EIF2S3: variants seen among roughly 807,000 people sequenced by gnomAD.
EIF2S3 encodes the protein eukaryotic translation initiation factor 2 subunit 3.
A neutral mutation model predicts 31.7 loss-of-function variants in EIF2S3; 2 were observed. The ratio of observed to expected loss-of-function variants is 0.06; its 90% CI spans 0.03 to 0.20. The LOEUF is 0.20. EIF2S3 is among the 10% of genes least tolerant of loss of function. EIF2S3 has a pLI of 1.00. For missense variants in EIF2S3, 96 were observed against 359.3 expected, an observed-to-expected ratio of 0.27 and a Z score of 5.92; for synonymous variants, 120 against 126.7, an observed-to-expected ratio of 0.95 and a Z score of 0.36.
chrX:24,073,353 A>G, intron 11 of EIF2S3, 90 bp downstream of exon 11: 1 of 1,058,181 alleles, frequency 9.5e-7, no homozygotes, highest in Non-Finnish European at 1.3e-6. Flanking sequence ...TGAGGACAAC[A>G]GTTACTGTGG....
intron 8 of EIF2S3, among the ~76,000 whole-genome samples, chrX:24,067,046 A>C (rs1254511683): frequency 9.0e-6 from 1 of 111,475 alleles, no homozygotes; most frequent in Non-Finnish European, 1.9e-5. Flanking sequence ...TAGCTATACT[A>C]ATTTACATGC....
At chrX:24,073,793 T>G (rs1269568629) in intron 11 of EIF2S3, among the ~76,000 whole-genome samples, 1 of 112,255 alleles carries the variant, frequency 8.9e-6, no homozygotes. Flanking sequence ...CCAAATGAAT[T>G]TGGGTTCGGT....
chrX:24,074,559 T>G (rs1930720829), intron 11 of EIF2S3, among the ~76,000 whole-genome samples: 1 of 111,809 alleles, frequency 8.9e-6, no homozygotes. Flanking sequence ...CATCCACTGA[T>G]GATTCTTGCC....
At chrX:24,069,889 C>T (rs1037744947) in intron 9 of EIF2S3, among the ~76,000 whole-genome samples, 9 of 108,469 alleles carry the variant, frequency 8.3e-5, no homozygotes, top group East Asian at 2.9e-4. Flanking sequence ...TGGGGTTTCG[C>T]CATGTTGGCC....
intron 5 of EIF2S3, among the ~76,000 whole-genome samples, chrX:24,061,343 G>C (rs1363234969): frequency 9.2e-6 from 1 of 108,466 alleles, no homozygotes. Context: ...GATCACTTGA[G>C]GTGTCAGGAG....
chrX:24,056,674 G>A (rs765871426), intron 2 of EIF2S3, among the ~76,000 whole-genome samples: 6 of 111,111 alleles, frequency 5.4e-5, no homozygotes, highest in Non-Finnish European at 1.1e-4. Flanking sequence ...CCTGGGCAAC[G>A]TGGCCAAACC....
chrX:24,057,337 G>A, intron 2 of EIF2S3, 84 bp from the exon 3 acceptor site: 2 of 1,113,520 alleles, frequency 1.8e-6, no homozygotes, highest in Admixed American at 3.0e-5. Flanking sequence ...CTGGCTTTGG[G>A]TTTTCTACTC....
At chrX:24,066,359 C>T (rs1930573269) in intron 8 of EIF2S3, among the ~76,000 whole-genome samples, 1 of 109,726 alleles carries the variant, frequency 9.1e-6, no homozygotes, top group African/African-American at 3.3e-5. Context: ...TCCACATATA[C>T]AGATGAGTGA....
chrX:24,062,354 C>T, intron 5 of EIF2S3, 62 bp from the exon 6 acceptor site: 1 of 1,125,364 alleles, frequency 8.9e-7, no homozygotes, highest in Non-Finnish European at 1.2e-6. Context: ...ATGGATTTGC[C>T]CGCCTATTCT....
intron 9 of EIF2S3, 37 bp from the exon 10 acceptor site, chrX:24,071,521 T>TA: frequency 8.5e-7 from 1 of 1,175,932 alleles, no homozygotes; most frequent in African/African-American, 1.8e-5. Context: ...TTTTAGGAAA[T>TA]AAAAAATTGA....
intron 11 of EIF2S3, among the ~76,000 whole-genome samples, chrX:24,076,403 G>A (rs1285658804): frequency 9.0e-6 from 1 of 110,905 alleles, no homozygotes; most frequent in Non-Finnish European, 1.9e-5. Context: ...GCATGGTGGC[G>A]CATGCCTGTA....
intron 5 of EIF2S3, among the ~76,000 whole-genome samples, chrX:24,060,837 T>C (rs1930479067): frequency 1.9e-5 from 2 of 103,753 alleles, no homozygotes; most frequent in Admixed American, 2.2e-4. Context: ...GGCGCATGCT[T>C]GTAATCCCAT....
At chrX:24,066,125 T>TG (rs1491066675) in intron 8 of EIF2S3, 33 bp downstream of exon 8, 14 of 663,921 alleles carry the variant, frequency 2.1e-5, no homozygotes, top group Non-Finnish European at 2.7e-5. Context: ...TGATTTTGGG[T>TG]TTTTTTTTTT....
chrX:24,059,102 G>C (rs180763825), intron 4 of EIF2S3, among the ~76,000 whole-genome samples: 6 of 112,162 alleles, frequency 5.3e-5, no homozygotes, highest in African/African-American at 1.9e-4. Context: ...CCTTTAATAG[G>C]GGATCAGCAA....
At chrX:24,060,351 A>G in intron 5 of EIF2S3, 169 bp downstream of exon 5, 1 of 426,098 alleles carries the variant, frequency 2.3e-6, no homozygotes, top group Non-Finnish European at 4.1e-6. Context: ...CTATCACAAA[A>G]TACTCAAAAA....
rs1214260302 is a variant in EIF2S3, at chrX:24,078,391, C to T, written c.*1606C>T. Reference sequence around the variant, plus strand: ...AGCAGTGATTTGCAACTCTTGCTGACGTTGCTGGGGAAGCTTTAAAAAAAA... The same window carrying T: ...AGCAGTGATTTGCAACTCTTGCTGATGTTGCTGGGGAAGCTTTAAAAAAAA... On this transcript the variant is annotated 3_prime_UTR_variant, in exon 12 of 12. Coordinates refer to ENST00000253039, the MANE Select transcript of EIF2S3 (RefSeq NM_001415.4). 1.8e-5 allele frequency among the ~76,000 whole-genome samples: 2 copies of T among 109,116 alleles called. No individual in the cohort carries two copies. The highest frequency in any genetic ancestry group is 3.8e-5 in the Non-Finnish European group (2 of 52,600). The allele number at this position is 109,116 out of a possible 115,157, so 94.8% of individuals were successfully genotyped here. A position where few individuals can be genotyped will look rare whatever the true frequency, so the allele number is the denominator to read the frequency against.
chrX:24,075,431 G>A (rs1602049704), intron 11 of EIF2S3, among the ~76,000 whole-genome samples: 1 of 110,704 alleles, frequency 9.0e-6, no homozygotes. Context: ...TCCATTCCTC[G>A]TCACCTCATC....
chrX:24,059,613 G>A (rs1415377873), intron 4 of EIF2S3, among the ~76,000 whole-genome samples: 1 of 110,789 alleles, frequency 9.0e-6, no homozygotes, highest in African/African-American at 3.3e-5. Context: ...ATTAGAGACC[G>A]GGTTTCACCA....
intron 6 of EIF2S3, among the ~76,000 whole-genome samples, chrX:24,063,632 C>T (rs1757985313): frequency 9.0e-6 from 1 of 110,706 alleles, no homozygotes; most frequent in African/African-American, 3.3e-5. Context: ...ATTAGCTGGG[C>T]TTGGTGGCAC....
Sources: gnomAD v4.1 joint callset for allele counts (sites outside exome capture counted in the v4.1 genomes callset) on GRCh38, gnomAD v4.1.1 for gene constraint, MANE v1.5 for transcripts, NCBI Gene and HGNC (gene_info 2026-07-23, HGNC 2026-07-21) for gene names.